The following WARS2 variants were observed in gnomAD, a reference collection of about 807,000 sequenced individuals.
The protein encoded by WARS2 is tryptophan--tRNA ligase, mitochondrial.
Under a neutral mutation model 36.5 loss-of-function variants are expected in WARS2, and 28 were observed. The ratio of observed to expected loss-of-function variants is 0.77; its 90% CI spans 0.57 to 1.05. The LOEUF (loss-of-function observed/expected upper bound fraction) is 1.05. Ranked by LOEUF, WARS2 falls within the 50% of genes least tolerant of loss-of-function variation. The pLI is 0.00. For missense variants in WARS2, 435 were observed against 456.8 expected (o/e 0.95, Z 0.44); for synonymous variants, 174 against 178.4 (o/e 0.98, Z 0.20).
In WARS2 at chr1:119,032,723, T is replaced by C. The variant is rs1298996745; in HGVS notation, c.*188A>G. 10 of 608,500 alleles carry C rather than the reference T, an allele frequency of 1.6e-5. No homozygotes were observed. The highest frequency in any genetic ancestry group is 5.6e-6 in the Non-Finnish European group (2 of 359,006). 37.7% of individuals were successfully genotyped at this position (608,500 alleles called of 1,614,324 possible). A position where few individuals can be genotyped will look rare whatever the true frequency, so the allele number is the denominator to read the frequency against. On this transcript the variant is annotated 3_prime_UTR_variant, in exon 6 of 6. Coordinates refer to ENST00000235521, the MANE Select transcript of WARS2 (RefSeq NM_015836.4). Reference sequence around the variant, plus strand: ...TTTGTTGTTGTTGTTCACAGCATTTTGTTGATGGGATTTGGAACACTGTCG... The same window carrying C: ...TTTGTTGTTGTTGTTCACAGCATTTCGTTGATGGGATTTGGAACACTGTCG...
Position 119,032,788 on chromosome 1 carries a change from A to C in WARS2, c.*123T>G. On this transcript the variant is annotated 3_prime_UTR_variant, in exon 6 of 6. Transcript: ENST00000235521. ...AAAGCAATATTCATCAAATAAAGCC[A>C]ATAATCAGCTATACCAAATTAAATG... 4.4e-6 allele frequency: 4 copies of C among 902,492 alleles called. No individual in the cohort carries two copies. The highest frequency in any genetic ancestry group is 6.6e-6 in the Non-Finnish European group (4 of 603,922). 55.9% of individuals were successfully genotyped at this position (902,492 alleles called of 1,614,324 possible).
At chr1:119,069,222 TA>T (rs1482610727) in intron 2 of WARS2, among the ~76,000 whole-genome samples, 1 of 152,210 alleles carries the variant, frequency 6.6e-6, no homozygotes, top group Non-Finnish European at 1.5e-5. Context: ...AATCACATTA[TA>T]AAATAATATT....
chr1:119,098,619 A>C (rs974180001), intron 1 of WARS2, among the ~76,000 whole-genome samples: 3 of 151,840 alleles, frequency 2.0e-5, no homozygotes, highest in Non-Finnish European at 4.4e-5. Context: ...TGTTATTTTT[A>C]GTAGAGACGA....
chr1:119,088,608 G>A (rs1305035948), intron 1 of WARS2, among the ~76,000 whole-genome samples: 4 of 152,180 alleles, frequency 2.6e-5, no homozygotes, highest in East Asian at 1.9e-4. Context: ...TATTACATGC[G>A]GCAGCCACGA....
At chr1:119,049,524 G>A (rs1184289014) in intron 2 of WARS2, among the ~76,000 whole-genome samples, 1 of 152,128 alleles carries the variant, frequency 6.6e-6, no homozygotes, top group Non-Finnish European at 1.5e-5. Flanking sequence ...TATAACTCCA[G>A]TCAGACCTTG....
In WARS2 at chr1:119,129,919, T is replaced by C. The variant is rs141323476; in HGVS notation, c.90+10636A>G. Among the ~76,000 whole-genome samples the C allele has an allele frequency of 7.9e-3, 1,198 of 152,318 alleles. 23 individuals are homozygous for C. Among genetic ancestry groups the C allele is most frequent in the African/African-American group, 0.027 (1,125 of 41,574 alleles). On this transcript the variant is annotated intron_variant, in intron 1 of 5. Transcript: ENST00000235521. ...TAAATTCTTTGCACAACCTTGGCTATATAGATATAAAATCTGCTTGAATCA... is the reference window on the plus strand; with the variant it reads ...TAAATTCTTTGCACAACCTTGGCTACATAGATATAAAATCTGCTTGAATCA...
intron 1 of WARS2, among the ~76,000 whole-genome samples, chr1:119,101,308 GTACAAA>G: frequency 6.6e-6 from 1 of 151,752 alleles, no homozygotes; most frequent in South Asian, 2.1e-4. Flanking sequence ...CCACAAATTT[GTACAAA>G]TAAAAATAAA....
intron 2 of WARS2, among the ~76,000 whole-genome samples, chr1:119,057,561 G>A (rs182059736): frequency 2.6e-5 from 4 of 151,724 alleles, no homozygotes; most frequent in East Asian, 3.9e-4. Flanking sequence ...AGGCTGAGGC[G>A]GGAGGATCAC....
chr1:119,069,292 G>A (rs1472633435), intron 2 of WARS2, among the ~76,000 whole-genome samples: 1 of 152,022 alleles, frequency 6.6e-6, no homozygotes, highest in African/African-American at 2.4e-5. Context: ...TTGTGTGATG[G>A]GGAGGTGGGT....
At chr1:119,088,616 C>T (rs1351550471) in intron 1 of WARS2, among the ~76,000 whole-genome samples, 4 of 152,172 alleles carry the variant, frequency 2.6e-5, no homozygotes, top group Admixed American at 1.3e-4. Context: ...GCGGCAGCCA[C>T]GAAGGACAGA....
At position 119,060,672 on chromosome 1, in the gene WARS2, A is replaced by AG. The variant is rs1191974534; in HGVS notation, c.349-15011dup. ...GAACAATCGAAAGCAGGCAGAAACT[A>AG]GGGGTGTGGTTTACTCTTTTAAAAA... On this transcript the variant is annotated intron_variant, in intron 2 of 5. Transcript: ENST00000235521. Among the ~76,000 whole-genome samples, 5 of 152,316 alleles carry AG rather than the reference A, an allele frequency of 3.3e-5. No individual in the cohort carries two copies. The East Asian group carries it at 9.6e-4, about 29-fold the overall frequency.
At position 119,033,299 on chromosome 1, in the gene WARS2, G is replaced by C; in HGVS notation, c.695C>G (p.Pro232Arg). 1 of 1,614,214 alleles carries C rather than the reference G, an allele frequency of 6.2e-7. No homozygotes were observed. The highest frequency in any genetic ancestry group is 2.2e-5 in the East Asian group (1 of 44,880). Residue 232 changes from proline (P) to arginine (R), a missense_variant, in exon 6 of 6, where the codon CCT becomes CGT. Pro to Arg is a moderately radical substitution (Grantham distance 103). Coordinates refer to ENST00000235521, the MANE Select transcript of WARS2 (RefSeq NM_015836.4). ...TATTCGGACGGTGGCCAGTTTGTCA[G>C]GGTCTGATTTCGACATTTTGGCAGA... Reference protein sequence around the residue: ...DPSAKMSKSDPDKLATVRITD... With the variant: ...DPSAKMSKSDRDKLATVRITD...
At chr1:119,088,657 G>A (rs911213502) in intron 1 of WARS2, among the ~76,000 whole-genome samples, 1 of 152,182 alleles carries the variant, frequency 6.6e-6, no homozygotes, top group Non-Finnish European at 1.5e-5. Context: ...TAGCCTCTAT[G>A]CTGGTGAGAG....
intron 2 of WARS2, among the ~76,000 whole-genome samples, chr1:119,072,489 T>A (rs1342516791): frequency 6.6e-6 from 1 of 152,048 alleles, no homozygotes; most frequent in Non-Finnish European, 1.5e-5. Flanking sequence ...ACATCAAAGG[T>A]GTGAAAAAAA....
chr1:119,067,024 T>C (rs1650937001), intron 2 of WARS2, among the ~76,000 whole-genome samples: 1 of 152,134 alleles, frequency 6.6e-6, no homozygotes, highest in Non-Finnish European at 1.5e-5. Flanking sequence ...GGATAAACTG[T>C]TAAGGAGGCA....
intron 1 of WARS2, among the ~76,000 whole-genome samples, chr1:119,104,074 C>T (rs1464945592): frequency 6.6e-6 from 1 of 151,370 alleles, no homozygotes; most frequent in Non-Finnish European, 1.5e-5. Flanking sequence ...CCACCTCATC[C>T]GCCCAAAGTG....
At chr1:119,140,382 T>A in intron 1 of WARS2, 173 bp downstream of exon 1, 1 of 484,960 alleles carries the variant, frequency 2.1e-6, no homozygotes, top group Non-Finnish European at 3.5e-6. Flanking sequence ...CACGTATCCT[T>A]GCAACGTCAC....
intron 2 of WARS2, among the ~76,000 whole-genome samples, chr1:119,075,138 A>C (rs1016397343): frequency 1.2e-4 from 18 of 148,476 alleles, no homozygotes; most frequent in Non-Finnish European, 2.7e-4. Context: ...AATCTCTAAA[A>C]ATTTAAAAAA....
Position 119,032,800 on chromosome 1 carries a change from T to C in WARS2, c.*111A>G, listed in dbSNP as rs1338176374. 6 of 1,016,776 alleles carry C rather than the reference T, an allele frequency of 5.9e-6. No individual in the cohort carries two copies. Among genetic ancestry groups the C allele is most frequent in the Non-Finnish European group, 7.1e-6 (5 of 701,642 alleles). 63.0% of individuals were successfully genotyped at this position (1,016,776 alleles called of 1,614,324 possible). On this transcript the variant is annotated 3_prime_UTR_variant, in exon 6 of 6. Transcript: ENST00000235521. ...ATCAAATAAAGCCAATAATCAGCTA[T>C]ACCAAATTAAATGTCCCAAAACTAT...
Sources: gnomAD v4.1 joint callset for allele counts (sites outside exome capture counted in the v4.1 genomes callset) on GRCh38, gnomAD v4.1.1 for gene constraint, MANE v1.5 for transcripts, NCBI Gene and HGNC (gene_info 2026-07-23, HGNC 2026-07-21) for gene names.